LSAMP: variants seen among roughly 807,000 people sequenced by gnomAD.
LSAMP encodes limbic system-associated membrane protein.
Under a neutral mutation model 38.6 loss-of-function variants are expected in LSAMP, and 7 were observed. That is an observed-to-expected ratio of 0.18 (90% confidence interval 0.10 to 0.34). The LOEUF is 0.34. Among genes scored for constraint, LSAMP ranks in the 10% least tolerant of loss-of-function variants. The pLI is 1.00. For synonymous variants in LSAMP, 154 were observed against 166.8 expected (o/e 0.92, Z 0.59); for missense variants, 313 against 420.0 (o/e 0.75, Z 2.23).
chr3:115,889,892 T>C (rs1936552333), intron 3 of LSAMP, among the ~76,000 whole-genome samples: 1 of 151,928 alleles, frequency 6.6e-6, no homozygotes, highest in African/African-American at 2.4e-5. Flanking sequence ...GCATCTTATA[T>C]TGCATTTAAA....
At chr3:116,113,409 TATATATATATA>T (rs1559747926) in intron 1 of LSAMP, among the ~76,000 whole-genome samples, 2 of 67,700 alleles carry the variant, frequency 3.0e-5, no homozygotes, top group South Asian at 5.9e-4. Context: ...CCTATATATA[TATATATATATA>T]TTTTTTTTTT....
chr3:116,084,391 A>G (rs1707941043), intron 2 of LSAMP, among the ~76,000 whole-genome samples: 1 of 151,450 alleles, frequency 6.6e-6, no homozygotes, highest in Non-Finnish European at 1.5e-5. Flanking sequence ...ATTTGGTGCT[A>G]AGAGCTCAGA....
chr3:116,277,312 C>CTGTT (rs534749717), intron 1 of LSAMP, among the ~76,000 whole-genome samples: 167 of 152,024 alleles, frequency 1.1e-3, no homozygotes, highest in African/African-American at 3.8e-3. Context: ...ATTTCCAGGG[C>CTGTT]TGTTTGGTCC....
chr3:116,224,898 C>T (rs540188140), intron 1 of LSAMP, among the ~76,000 whole-genome samples: 11 of 152,254 alleles, frequency 7.2e-5, no homozygotes, highest in African/African-American at 2.6e-4. Flanking sequence ...TAAGCCTTGC[C>T]TATAGCAAGT....
At chr3:115,816,998 C>A (rs1229730811) in intron 6 of LSAMP, among the ~76,000 whole-genome samples, 1 of 152,194 alleles carries the variant, frequency 6.6e-6, no homozygotes, top group Non-Finnish European at 1.5e-5. Flanking sequence ...GATCCATAAC[C>A]TCGTCCTACC....
chr3:115,901,928 C>A (rs1437594055), intron 3 of LSAMP, among the ~76,000 whole-genome samples: 2 of 151,864 alleles, frequency 1.3e-5, no homozygotes, highest in African/African-American at 2.4e-5. Flanking sequence ...CTACAGATAA[C>A]TATTTCTGGT....
chr3:116,114,024 T>C (rs1163950377), intron 1 of LSAMP, among the ~76,000 whole-genome samples: 2 of 152,182 alleles, frequency 1.3e-5, no homozygotes, highest in East Asian at 1.9e-4. Context: ...TTGAACTTTA[T>C]TTAAGCCCTG....
intron 1 of LSAMP, among the ~76,000 whole-genome samples, chr3:116,368,756 A>T (rs973511218): frequency 4.6e-5 from 7 of 152,186 alleles, no homozygotes; most frequent in Non-Finnish European, 1.5e-5. Flanking sequence ...TTAGTGACCA[A>T]ATGTTGTAAT....
chr3:116,267,317 A>C (rs956256850), intron 1 of LSAMP, among the ~76,000 whole-genome samples: 1 of 152,306 alleles, frequency 6.6e-6, no homozygotes, highest in Middle Eastern at 3.4e-3. Context: ...TTTTGGATCT[A>C]TTACTTAACT....
intron 3 of LSAMP, among the ~76,000 whole-genome samples, chr3:115,926,552 A>T (rs563017993): frequency 1.3e-5 from 2 of 152,104 alleles, no homozygotes; most frequent in Non-Finnish European, 2.9e-5. Flanking sequence ...GAGCCTTTTG[A>T]AAAAATAGGC....
intron 3 of LSAMP, among the ~76,000 whole-genome samples, chr3:115,926,228 TG>T (rs1937496247): frequency 1.3e-5 from 2 of 152,124 alleles, no homozygotes; most frequent in African/African-American, 4.8e-5. Context: ...CAAAGCTAGA[TG>T]AGAGTGAATG....
At chr3:115,938,119 T>C (rs985905129) in intron 3 of LSAMP, among the ~76,000 whole-genome samples, 1 of 152,192 alleles carries the variant, frequency 6.6e-6, no homozygotes, top group Non-Finnish European at 1.5e-5. Flanking sequence ...ACTGCATTCA[T>C]ATTATTTTAC....
chr3:116,163,853 A>G (rs1007312959), intron 1 of LSAMP, among the ~76,000 whole-genome samples: 1 of 152,156 alleles, frequency 6.6e-6, no homozygotes, highest in African/African-American at 2.4e-5. Context: ...TTCATTTTTT[A>G]AAGATTTTTC....
rs187259656 is a variant in LSAMP, at chr3:116,056,410, C to T, written c.388+29914G>A. ...GGCTAAAGTGAAATCTGGTACAGACCTACCTAGCTAATTTAGGAATAGAAA... is the reference window on the plus strand; with the variant it reads ...GGCTAAAGTGAAATCTGGTACAGACTTACCTAGCTAATTTAGGAATAGAAA... On this transcript the variant is annotated intron_variant, in intron 2 of 6. Transcript: ENST00000490035. Among the ~76,000 whole-genome samples the T allele has an allele frequency of 1.1e-4, 17 of 152,146 alleles. 1 individual carries two copies. Among genetic ancestry groups the T allele is most frequent in the Admixed American group, 1.0e-3 (16 of 15,262 alleles).
intron 3 of LSAMP, among the ~76,000 whole-genome samples, chr3:115,879,028 A>G (rs1936257700): frequency 6.6e-6 from 1 of 152,132 alleles, no homozygotes. Context: ...TGTTGATGAA[A>G]GTTACATGAC....
chr3:116,166,729 CAT>C (rs1287799109), intron 1 of LSAMP, among the ~76,000 whole-genome samples: 4 of 151,256 alleles, frequency 2.6e-5, no homozygotes, highest in Non-Finnish European at 4.4e-5. Context: ...CCTGATGTCA[CAT>C]CATCAAACCT....
intron 1 of LSAMP, among the ~76,000 whole-genome samples, chr3:116,347,180 C>T (rs1317515342): frequency 1.3e-5 from 2 of 152,106 alleles, no homozygotes; most frequent in Non-Finnish European, 2.9e-5. Context: ...TTAAATAAAA[C>T]CAAAGTCATA....
At chr3:116,347,224 T>G (rs1241048348) in intron 1 of LSAMP, among the ~76,000 whole-genome samples, 2 of 152,230 alleles carry the variant, frequency 1.3e-5, no homozygotes, top group African/African-American at 4.8e-5. Flanking sequence ...TCACTCTTTA[T>G]GACAGGAGCT....
chr3:116,098,057 T>C (rs980602026), intron 1 of LSAMP, among the ~76,000 whole-genome samples: 1 of 152,120 alleles, frequency 6.6e-6, no homozygotes, highest in Admixed American at 6.5e-5. Flanking sequence ...TTTTGAAATA[T>C]ATTTTGTGGA....
Sources: gnomAD v4.1 joint callset for allele counts (sites outside exome capture counted in the v4.1 genomes callset) on GRCh38, gnomAD v4.1.1 for gene constraint, MANE v1.5 for transcripts, NCBI Gene and HGNC (gene_info 2026-07-23, HGNC 2026-07-21) for gene names.